NOVA1: variants seen among roughly 807,000 people sequenced by gnomAD.
The protein encoded by NOVA1 is RNA-binding protein Nova-1.
Under a neutral mutation model 38.0 loss-of-function variants are expected in NOVA1, and 7 were observed. The ratio of observed to expected loss-of-function variants is 0.18; its 90% confidence interval spans 0.10 to 0.35. The LOEUF (loss-of-function observed/expected upper bound fraction) is 0.35, where lower values mean the gene tolerates loss of function less well. Among genes scored for constraint, NOVA1 ranks in the 10% least tolerant of loss-of-function variants. The pLI is 1.00. For synonymous variants in NOVA1, 270 were observed against 232.5 expected (o/e 1.16, Z -1.47); for missense variants, 460 against 616.0 (o/e 0.75, Z 2.68).
At chr14:26,460,717 A>T (rs1453658553) in intron 4 of NOVA1, among the ~76,000 whole-genome samples, 1 of 152,110 alleles carries the variant, frequency 6.6e-6, no homozygotes, top group African/African-American at 2.4e-5. Context: ...AAGGAAAAAC[A>T]CTTTTTTTAA....
chr14:26,560,597 T>C (rs1001504359), intron 2 of NOVA1, among the ~76,000 whole-genome samples: 1 of 152,132 alleles, frequency 6.6e-6, no homozygotes, highest in Admixed American at 6.5e-5. Flanking sequence ...AACGTGGTAG[T>C]TGTAAGGACA....
intron 2 of NOVA1, among the ~76,000 whole-genome samples, chr14:26,528,559 A>T (rs1889462126): frequency 1.3e-5 from 2 of 152,132 alleles, no homozygotes; most frequent in Non-Finnish European, 2.9e-5. Context: ...CTGGCTGTAG[A>T]AAAAAGAATA....
At chr14:26,483,431 T>C (rs1220502583) in intron 2 of NOVA1, among the ~76,000 whole-genome samples, 1 of 152,198 alleles carries the variant, frequency 6.6e-6, no homozygotes, top group African/African-American at 2.4e-5. Context: ...TTGATAGAGT[T>C]AGAAAATTAC....
chr14:26,573,049 A>G (rs1260973727), intron 2 of NOVA1, among the ~76,000 whole-genome samples: 1 of 152,162 alleles, frequency 6.6e-6, no homozygotes, highest in Admixed American at 6.5e-5. Context: ...TACGGGGCCA[A>G]GGACAGAATC....
chr14:26,500,681 T>C (rs1457877668), intron 2 of NOVA1, among the ~76,000 whole-genome samples: 1 of 151,958 alleles, frequency 6.6e-6, no homozygotes, highest in Non-Finnish European at 1.5e-5. Flanking sequence ...TTCATAAAAT[T>C]CTGAACTTAT....
chr14:26,561,214 G>A (rs114977718), intron 2 of NOVA1, among the ~76,000 whole-genome samples: 2,539 of 152,284 alleles, frequency 0.017, 76 homozygotes, highest in African/African-American at 0.057. Flanking sequence ...TTCTTAGCAG[G>A]CCACAGACCG....
At chr14:26,523,309 T>C (rs1889038555) in intron 2 of NOVA1, among the ~76,000 whole-genome samples, 2 of 152,230 alleles carry the variant, frequency 1.3e-5, no homozygotes, top group South Asian at 4.1e-4. Flanking sequence ...AATGTCAACA[T>C]TTATTATTTT....
At chr14:26,453,228 A>G (rs908311739) in intron 4 of NOVA1, among the ~76,000 whole-genome samples, 4 of 140,042 alleles carry the variant, frequency 2.9e-5, no homozygotes, top group Non-Finnish European at 6.4e-5. Flanking sequence ...ATTTTTAGAG[A>G]GGGGGGTCTC....
chr14:26,542,459 T>C (rs76245738), intron 2 of NOVA1, among the ~76,000 whole-genome samples: 1,725 of 152,002 alleles, frequency 0.011, 23 homozygotes, highest in Middle Eastern at 0.058. Flanking sequence ...TGCATTATTA[T>C]TCTCTTGAGG....
chr14:26,509,173 A>T (rs1887866356), intron 2 of NOVA1, among the ~76,000 whole-genome samples: 1 of 152,124 alleles, frequency 6.6e-6, no homozygotes, highest in East Asian at 1.9e-4. Context: ...ATATTTGTAG[A>T]TGTATTTTTT....
intron 2 of NOVA1, among the ~76,000 whole-genome samples, chr14:26,535,714 T>C (rs1488275298): frequency 1.3e-5 from 2 of 151,964 alleles, no homozygotes; most frequent in African/African-American, 4.8e-5. Flanking sequence ...TCCCAGCACT[T>C]TGGGAGGGCG....
intron 2 of NOVA1, among the ~76,000 whole-genome samples, chr14:26,537,621 T>C (rs1890197305): frequency 6.6e-6 from 1 of 152,166 alleles, no homozygotes; most frequent in Non-Finnish European, 1.5e-5. Flanking sequence ...ACAATATGTA[T>C]TTATTACCCA....
chr14:26,497,129 A>G lies in NOVA1; in HGVS notation c.281-16986T>C, dbSNP rs572557069. ...GATACAAAATCAATGTACAAAAATC[A>G]CAAGCATTCTTATACACCAATAACA... On this transcript the variant is annotated intron_variant, in intron 2 of 4. Coordinates refer to ENST00000539517, the MANE Select transcript of NOVA1 (RefSeq NM_002515.3). Among the ~76,000 whole-genome samples, 7 of 152,310 alleles carry G rather than the reference A, an allele frequency of 4.6e-5. 1 individual carries two copies. Among genetic ancestry groups the G allele is most frequent in the African/African-American group, 1.7e-4 (7 of 41,560 alleles).
At chr14:26,537,148 T>C (rs954865264) in intron 2 of NOVA1, among the ~76,000 whole-genome samples, 4 of 152,122 alleles carry the variant, frequency 2.6e-5, no homozygotes, top group East Asian at 1.9e-4. Flanking sequence ...AAATATATAA[T>C]AAAGGATTGA....
At chr14:26,452,174 T>C (rs886725628) in intron 4 of NOVA1, among the ~76,000 whole-genome samples, 1 of 152,214 alleles carries the variant, frequency 6.6e-6, no homozygotes. Context: ...ATGAGAATCC[T>C]CTTTGCCTTA....
intron 4 of NOVA1, among the ~76,000 whole-genome samples, chr14:26,452,398 T>C (rs926751283): frequency 1.3e-5 from 2 of 152,066 alleles, no homozygotes; most frequent in Non-Finnish European, 2.9e-5. Flanking sequence ...GAGAAAAACA[T>C]GGAAGCTTTG....
At chr14:26,573,161 C>T (rs1267182569) in intron 2 of NOVA1, among the ~76,000 whole-genome samples, 1 of 152,004 alleles carries the variant, frequency 6.6e-6, no homozygotes, top group African/African-American at 2.4e-5. Context: ...GAAACTGGAT[C>T]ATACAATGTC....
intron 2 of NOVA1, among the ~76,000 whole-genome samples, chr14:26,524,736 T>C (rs568190599): frequency 6.6e-6 from 1 of 152,164 alleles, no homozygotes; most frequent in Non-Finnish European, 1.5e-5. Context: ...TTCTCTTTAA[T>C]GTGGTTTTCC....
chr14:26,507,603 T>A (rs892815713), intron 2 of NOVA1, among the ~76,000 whole-genome samples: 1 of 152,308 alleles, frequency 6.6e-6, no homozygotes, highest in East Asian at 1.9e-4. Flanking sequence ...TATTTTCAAA[T>A]AGCCTTAGTT....
Sources: allele counts gnomAD v4.1 joint callset (sites outside exome capture counted in the v4.1 genomes callset), GRCh38; gene constraint gnomAD v4.1.1; transcripts MANE v1.5; gene names NCBI Gene and HGNC (gene_info 2026-07-23, HGNC 2026-07-21).